PCSK6: variants seen among roughly 807,000 people sequenced by gnomAD.
PCSK6 encodes the protein proprotein convertase subtilisin/kexin type 6, also known as paired basic amino acid cleaving enzyme 4.
In PCSK6, 85 loss-of-function variants were observed where a neutral mutation model predicts 123.3. The ratio of observed to expected loss-of-function variants is 0.69; its 90% CI spans 0.58 to 0.83. The LOEUF is 0.83. Among genes scored for constraint, PCSK6 ranks in the 40% least tolerant of loss-of-function variants. PCSK6 has a pLI of 0.00. For missense variants in PCSK6, 1,191 were observed against 1,282.3 expected, an observed-to-expected ratio of 0.93 and a Z score of 1.09; for synonymous variants, 508 against 516.0, an observed-to-expected ratio of 0.98 and a Z score of 0.21.
chr15:101,352,164 T>TA (rs2040908743), intron 13 of PCSK6, among the ~76,000 whole-genome samples: 2 of 142,182 alleles, frequency 1.4e-5, no homozygotes, highest in South Asian at 4.4e-4. Flanking sequence ...TTTTTTTTTT[T>TA]ACAGACGGGG....
intron 5 of PCSK6, among the ~76,000 whole-genome samples, chr15:101,428,372 T>G (rs1034390663): frequency 3.9e-5 from 6 of 152,182 alleles, no homozygotes. Flanking sequence ...GTGTCTCCTG[T>G]GGCTGGCAGC....
intron 8 of PCSK6, among the ~76,000 whole-genome samples, chr15:101,392,676 T>C (rs890020576): frequency 6.7e-6 from 1 of 149,550 alleles, no homozygotes; most frequent in African/African-American, 2.5e-5. Context: ...CAGTTACCTT[T>C]TAAAAGACAA....
chr15:101,360,344 G>A (rs1324022773), intron 13 of PCSK6, among the ~76,000 whole-genome samples: 1 of 152,110 alleles, frequency 6.6e-6, no homozygotes, highest in African/African-American at 2.4e-5. Context: ...TTCCAACCAA[G>A]TCCCTGTGAG....
chr15:101,336,706 A>G (rs1404885785), intron 13 of PCSK6: 1 of 152,228 alleles, frequency 6.6e-6, no homozygotes, highest in African/African-American at 2.4e-5. Context: ...ATTTGTAACA[A>G]GGGCCAGTGG....
At chr15:101,327,226 C>T (rs2040275662) in intron 15 of PCSK6, among the ~76,000 whole-genome samples, 2 of 152,144 alleles carry the variant, frequency 1.3e-5, no homozygotes, top group African/African-American at 2.4e-5. Flanking sequence ...CTTCTCACTC[C>T]GGAGGCTGGT....
intron 1 of PCSK6, 129 bp downstream of exon 1, chr15:101,489,245 A>G (rs1426736621): frequency 8.0e-6 from 4 of 501,566 alleles, no homozygotes; most frequent in Middle Eastern, 9.8e-4. Flanking sequence ...GCCGTCCCCA[A>G]GCGGTCCCGG....
rs2056461016 is a variant in PCSK6, at chr15:101,432,002, G to T, written c.501C>A (p.Asn167Lys). 1 of 1,612,140 alleles carries T rather than the reference G, an allele frequency of 6.2e-7. No homozygotes were observed. Among genetic ancestry groups the T allele is most frequent in the Admixed American group, 1.7e-5 (1 of 59,904 alleles). Reference protein sequence around the residue: ...ALYFNDPIWSNMWYLHCGDKN... With the variant: ...ALYFNDPIWSKMWYLHCGDKN... ...CTGTCCTACTCACCAGGTACCACAT[G>T]TTGGACCAAATGGGGTCGTTGAAGT... Residue 167 changes from asparagine to lysine, a missense_variant, in exon 3 of 22, where the codon AAC (asparagine) becomes AAA (lysine). Around this residue, in one of 3 missense-constraint regions of PCSK6, gnomAD observed 357 missense variants for 484.5 expected, o/e 0.74. Coordinates refer to ENST00000611716, the MANE Select transcript of PCSK6 (RefSeq NM_002570.5).
At chr15:101,389,301 C>T (rs373802504) in intron 9 of PCSK6, among the ~76,000 whole-genome samples, 163 bp downstream of exon 9, 2 of 152,170 alleles carry the variant, frequency 1.3e-5, no homozygotes, top group Non-Finnish European at 2.9e-5. Context: ...GGGAAGAAGA[C>T]GAAGCTCTGG....
At chr15:101,421,238 G>A (rs532436025) in intron 6 of PCSK6, among the ~76,000 whole-genome samples, 27 of 152,254 alleles carry the variant, frequency 1.8e-4, no homozygotes, top group African/African-American at 6.0e-4. Flanking sequence ...GAGCCACCAC[G>A]CCTGGCTATT....
At chr15:101,366,719 C>T (rs1216973447) in intron 12 of PCSK6, among the ~76,000 whole-genome samples, 2 of 152,206 alleles carry the variant, frequency 1.3e-5, no homozygotes, top group African/African-American at 4.8e-5. Flanking sequence ...GAGACCATAA[C>T]TCCAGTGCCC....
At chr15:101,329,161 G>A (rs938130792) in intron 15 of PCSK6, among the ~76,000 whole-genome samples, 2 of 152,194 alleles carry the variant, frequency 1.3e-5, no homozygotes, top group African/African-American at 2.4e-5. Flanking sequence ...CTCTAGATGG[G>A]CTTAAACTGA....
intron 1 of PCSK6, among the ~76,000 whole-genome samples, chr15:101,470,992 C>G (rs1040317987): frequency 3.3e-5 from 5 of 152,186 alleles, no homozygotes; most frequent in African/African-American, 1.2e-4. Flanking sequence ...CCTACCTTGC[C>G]GTGCCAGGGG....
At chr15:101,342,088 C>T (rs1216498767) in intron 13 of PCSK6, among the ~76,000 whole-genome samples, 3 of 130,264 alleles carry the variant, frequency 2.3e-5, no homozygotes, top group African/African-American at 8.9e-5. Context: ...TGACATTGTG[C>T]CACTGTACTC....
intron 13 of PCSK6, among the ~76,000 whole-genome samples, chr15:101,343,450 G>A (rs1321424113): frequency 2.0e-5 from 3 of 151,726 alleles, no homozygotes; most frequent in Admixed American, 6.6e-5. Context: ...TAATTTTCAG[G>A]ATTTTCTCTT....
At chr15:101,327,787 G>A (rs1035349037) in intron 15 of PCSK6, among the ~76,000 whole-genome samples, 2 of 152,086 alleles carry the variant, frequency 1.3e-5, no homozygotes, top group Admixed American at 6.5e-5. Flanking sequence ...TTCCCTCCCC[G>A]AAGGCTCTCT....
intron 19 of PCSK6, among the ~76,000 whole-genome samples, chr15:101,314,388 T>C (rs2039939603): frequency 6.6e-6 from 1 of 152,114 alleles, no homozygotes. Context: ...AGTCACTGAC[T>C]GACAGCGGAG....
At chr15:101,386,768 A>G (rs2042077041) in intron 9 of PCSK6, among the ~76,000 whole-genome samples, 2 of 152,234 alleles carry the variant, frequency 1.3e-5, no homozygotes, top group Non-Finnish European at 1.5e-5. Context: ...CCCGCCGTTC[A>G]GCTGTTGTGA....
chr15:101,473,220 G>A (rs1237436995), intron 1 of PCSK6, among the ~76,000 whole-genome samples: 1 of 151,950 alleles, frequency 6.6e-6, no homozygotes, highest in Admixed American at 6.6e-5. Context: ...GGGACTATAG[G>A]CACATGCCAC....
intron 2 of PCSK6, among the ~76,000 whole-genome samples, chr15:101,438,567 C>T (rs2056667658): frequency 6.6e-6 from 1 of 152,348 alleles, no homozygotes. Flanking sequence ...CTTTGAACTC[C>T]AAGTTCCTCT....
Sources: gnomAD v4.1 joint callset for allele counts (sites outside exome capture counted in the v4.1 genomes callset) on GRCh38, gnomAD v4.1.1 for gene constraint, gnomAD v4.1.1 regional missense constraint, MANE v1.5 for transcripts, NCBI Gene and HGNC (gene_info 2026-07-23, HGNC 2026-07-21) for gene names.